PMS1: variants seen among roughly 807,000 people sequenced by gnomAD.
The protein encoded by PMS1 is PMS1 protein homolog 1.
PMS1 carries 79 observed loss-of-function variants against 93.1 expected under a neutral mutation model. That is an observed-to-expected ratio of 0.85 (90% confidence interval 0.71 to 1.02). The LOEUF is 1.02. Ranked by LOEUF, PMS1 falls within the 50% of genes least tolerant of loss-of-function variation. The pLI, the probability that PMS1 is intolerant of heterozygous loss-of-function variation, is 0.00. For missense variants in PMS1, 1,064 were observed against 1,085.3 expected (o/e 0.98, Z 0.28); for synonymous variants, 335 against 363.4 (o/e 0.92, Z 0.89).
At chr2:189,808,699 A>C (rs2050563568) in intron 4 of PMS1, among the ~76,000 whole-genome samples, 1 of 152,168 alleles carries the variant, frequency 6.6e-6, no homozygotes, top group South Asian at 2.1e-4. Flanking sequence ...TTCTAGGTGT[A>C]TATTTGTTTT....
chr2:189,867,218 C>A (rs942819934), intron 10 of PMS1, among the ~76,000 whole-genome samples: 4 of 152,126 alleles, frequency 2.6e-5, no homozygotes, highest in Non-Finnish European at 4.4e-5. Flanking sequence ...AGCCTAAAAC[C>A]AATATGTGTG....
intron 4 of PMS1, among the ~76,000 whole-genome samples, chr2:189,815,056 G>T (rs897506862): frequency 2.1e-4 from 31 of 146,774 alleles, no homozygotes; most frequent in Non-Finnish European, 3.9e-4. Flanking sequence ...CCGAGATCAT[G>T]CCACTGCACT....
At chr2:189,792,699 ATATATATATATATATATATATG>A (rs978842544) in intron 2 of PMS1, among the ~76,000 whole-genome samples, 3 of 127,330 alleles carry the variant, frequency 2.4e-5, no homozygotes, top group Non-Finnish European at 5.0e-5. Context: ...ATATATATAT[ATATATATATATATATATATATG>A]TAAAATAAAA....
At chr2:189,857,467 T>A (rs1462328532) in intron 9 of PMS1, 1 of 469,618 alleles carries the variant, frequency 2.1e-6, no homozygotes, top group East Asian at 7.0e-5. Flanking sequence ...TTCCTGTCTT[T>A]ATCTTGGAGT....
At position 189,818,197 on chromosome 2, in the gene PMS1, C is replaced by A; in HGVS notation, c.582+17C>A. ...CATAACAAGGTAAACATTATTTTAT[C>A]TTTATAAGTTTCTGGGTATATGATA... is the stretch of plus-strand genomic sequence containing the variant. On this transcript the variant is annotated intron_variant, in intron 5 of 12. Transcript: ENST00000441310. 1.3e-6 allele frequency: 2 copies of A among 1,503,644 alleles called. No homozygotes were observed. Among genetic ancestry groups the A allele is most frequent in the Non-Finnish European group, 9.2e-7 (1 of 1,082,954 alleles). 93.1% of individuals were successfully genotyped at this position (1,503,644 alleles called of 1,614,324 possible).
At position 189,868,641 on chromosome 2, in the gene PMS1, G is replaced by A. The variant is rs547039204; in HGVS notation, c.2473+712G>A. 7.6e-4 allele frequency among the ~76,000 whole-genome samples: 115 copies of A among 152,194 alleles called. 1 individual carries two copies. Among genetic ancestry groups the A allele is most frequent in the South Asian group, 2.5e-3 (12 of 4,826 alleles). ...TGTCTCCCTTCCTGCCTCTAAACTT[G>A]TCATGCCCAAAGTATAGAAAAACAG... is the stretch of plus-strand genomic sequence containing the variant. On this transcript the variant is annotated intron_variant, in intron 11 of 12. Coordinates refer to ENST00000441310, the MANE Select transcript of PMS1 (RefSeq NM_000534.5).
At chr2:189,825,377 CTG>C (rs1428902439) in intron 5 of PMS1, among the ~76,000 whole-genome samples, 1 of 152,140 alleles carries the variant, frequency 6.6e-6, no homozygotes, top group Non-Finnish European at 1.5e-5. Context: ...GTTGTAATAA[CTG>C]AATCCCTGTG....
At chr2:189,803,749 T>G (rs998224559) in intron 3 of PMS1, among the ~76,000 whole-genome samples, 23 of 152,250 alleles carry the variant, frequency 1.5e-4, no homozygotes, top group African/African-American at 5.5e-4. Flanking sequence ...TTCATAAATT[T>G]ATGAAGTACA....
chr2:189,812,362 A>G (rs1336850088), intron 4 of PMS1, among the ~76,000 whole-genome samples: 1 of 152,214 alleles, frequency 6.6e-6, no homozygotes, highest in African/African-American at 2.4e-5. Flanking sequence ...AAAAATGTTT[A>G]AAGAATGAGT....
chr2:189,874,384 A>C (rs979531778), intron 12 of PMS1, among the ~76,000 whole-genome samples: 3 of 152,234 alleles, frequency 2.0e-5, no homozygotes, highest in African/African-American at 2.4e-5. Context: ...AAGGAAAGTG[A>C]AAGATGGGAA....
At chr2:189,787,129 T>C (rs2048420867) in intron 1 of PMS1, among the ~76,000 whole-genome samples, 1 of 152,142 alleles carries the variant, frequency 6.6e-6, no homozygotes, top group Non-Finnish European at 1.5e-5. Flanking sequence ...CTTCAGGTCA[T>C]CTAAATGATG....
At chr2:189,874,070 G>A (rs2057365903) in intron 12 of PMS1, among the ~76,000 whole-genome samples, 2 of 151,396 alleles carry the variant, frequency 1.3e-5, no homozygotes, top group Middle Eastern at 3.2e-3. Flanking sequence ...TTATCTGTAA[G>A]TTTTATTATG....
At chr2:189,829,379 C>G (rs1237490471) in intron 5 of PMS1, among the ~76,000 whole-genome samples, 1 of 152,174 alleles carries the variant, frequency 6.6e-6, no homozygotes, top group Non-Finnish European at 1.5e-5. Flanking sequence ...CTATCTTACT[C>G]TCTTCAACAA....
At chr2:189,872,902 A>G (rs146166226) in intron 11 of PMS1, among the ~76,000 whole-genome samples, 2 of 152,088 alleles carry the variant, frequency 1.3e-5, no homozygotes, top group East Asian at 1.9e-4. Flanking sequence ...CCAAAGTGCT[A>G]GGATTGCAGG....
At chr2:189,814,509 G>A (rs1321710710) in intron 4 of PMS1, among the ~76,000 whole-genome samples, 1 of 125,564 alleles carries the variant, frequency 8.0e-6, no homozygotes, top group Non-Finnish European at 1.6e-5. Context: ...AGTACTATGT[G>A]TCTTCCATAA....
At chr2:189,838,086 G>A (rs1422975248) in intron 5 of PMS1, among the ~76,000 whole-genome samples, 1 of 152,158 alleles carries the variant, frequency 6.6e-6, no homozygotes, top group Non-Finnish European at 1.5e-5. Flanking sequence ...CATGCTGTTG[G>A]TTGCACAGCT....
At chr2:189,858,005 G>A (rs1575309421) in intron 9 of PMS1, among the ~76,000 whole-genome samples, 1 of 152,064 alleles carries the variant, frequency 6.6e-6, no homozygotes, top group Non-Finnish European at 1.5e-5. Flanking sequence ...GGGAGTATGT[G>A]TAAAGAAAGT....
At chr2:189,795,402 CTGTTT>C (rs1373377423) in intron 2 of PMS1, among the ~76,000 whole-genome samples, 1 of 152,056 alleles carries the variant, frequency 6.6e-6, no homozygotes, top group African/African-American at 2.4e-5. Context: ...CTGTTCTGTT[CTGTTT>C]TGTTTTGGGG....
chr2:189,846,175 A>G (rs960757899), intron 6 of PMS1, among the ~76,000 whole-genome samples: 2 of 151,998 alleles, frequency 1.3e-5, no homozygotes, highest in Non-Finnish European at 2.9e-5. Flanking sequence ...GAAGCTCAAG[A>G]CCAGCCTGGG....
Sources: allele counts gnomAD v4.1 joint callset (sites outside exome capture counted in the v4.1 genomes callset), GRCh38; gene constraint gnomAD v4.1.1; transcripts MANE v1.5; gene names NCBI Gene and HGNC (gene_info 2026-07-23, HGNC 2026-07-21).